PTPRD: variants seen among roughly 807,000 people sequenced by gnomAD.
The protein encoded by PTPRD is protein tyrosine phosphatase receptor type D.
A neutral mutation model predicts 214.5 loss-of-function variants in PTPRD; 34 were observed. That is an observed-to-expected ratio of 0.16 (90% CI 0.12 to 0.21). PTPRD has a LOEUF of 0.21. Ranked by LOEUF, PTPRD falls within the 10% of genes least tolerant of loss-of-function variation. The pLI is 1.00. For missense variants in PTPRD, 2,545 were observed against 2,398.7 expected (o/e 1.06, Z -1.27); for synonymous variants, 1,128 against 845.7 (o/e 1.33, Z -5.79).
intron 2 of PTPRD, chr9:10,532,119 C>T (rs941514442): frequency 6.6e-6 from 1 of 152,064 alleles, no homozygotes; most frequent in Non-Finnish European, 1.5e-5. Flanking sequence ...GTTGCAGAAG[C>T]TTATATATAA....
intron 9 of PTPRD, among the ~76,000 whole-genome samples, chr9:9,304,334 C>A (rs1033601381): frequency 1.3e-5 from 2 of 152,110 alleles, no homozygotes; most frequent in African/African-American, 4.8e-5. Context: ...GATAATCTTT[C>A]AAAGAACATG....
At chr9:8,721,892 C>A (rs1412688269) in intron 12 of PTPRD, among the ~76,000 whole-genome samples, 2 of 152,218 alleles carry the variant, frequency 1.3e-5, no homozygotes, top group African/African-American at 4.8e-5. Flanking sequence ...TTATCTATCT[C>A]TCCTAACCTC....
At chr9:10,260,693 AT>A (rs1033201471) in intron 3 of PTPRD, among the ~76,000 whole-genome samples, 1 of 152,070 alleles carries the variant, frequency 6.6e-6, no homozygotes, top group Non-Finnish European at 1.5e-5. Flanking sequence ...AATATTCTAC[AT>A]TCCTCAAGTT....
At chr9:9,274,444 A>C (rs1310732803) in intron 9 of PTPRD, among the ~76,000 whole-genome samples, 1 of 151,358 alleles carries the variant, frequency 6.6e-6, no homozygotes, top group Non-Finnish European at 1.5e-5. Flanking sequence ...GGAACAGATT[A>C]TGCTACAACC....
chr9:9,320,566 G>A lies in PTPRD; in HGVS notation c.-203+76883C>T, dbSNP rs116121870. 6.5e-3 allele frequency among the ~76,000 whole-genome samples: 993 copies of A among 152,124 alleles called. 12 individuals are homozygous for A. Among genetic ancestry groups the A allele is most frequent in the African/African-American group, 0.023 (938 of 41,512 alleles). ...GTAGTACACACCAGTCCTTTACACC[G>A]ACTCTCTGAGGAAAACTACCCTTCC... On this transcript the variant is annotated intron_variant, in intron 9 of 45. Coordinates refer to ENST00000381196, the MANE Select transcript of PTPRD (RefSeq NM_002839.4).
chr9:8,800,973 C>G (rs1455296624), intron 11 of PTPRD, among the ~76,000 whole-genome samples: 1 of 152,180 alleles, frequency 6.6e-6, no homozygotes, highest in African/African-American at 2.4e-5. Flanking sequence ...AACATCAATG[C>G]TATGGGGCTA....
intron 12 of PTPRD, among the ~76,000 whole-genome samples, chr9:8,655,219 T>C (rs954081817): frequency 3.3e-5 from 5 of 152,198 alleles, no homozygotes; most frequent in African/African-American, 1.2e-4. Flanking sequence ...TGTAAGCAGG[T>C]TTCACATGTG....
chr9:8,511,016 A>T (rs1029847604), intron 21 of PTPRD, among the ~76,000 whole-genome samples: 2 of 152,052 alleles, frequency 1.3e-5, no homozygotes, highest in Non-Finnish European at 2.9e-5. Context: ...CTCTCTATAT[A>T]TGTATTTATA....
intron 8 of PTPRD, among the ~76,000 whole-genome samples, chr9:9,509,280 G>A (rs981329120): frequency 4.6e-5 from 7 of 151,326 alleles, no homozygotes; most frequent in African/African-American, 1.7e-4. Context: ...TTTTGGTAAC[G>A]GAAACTGATG....
At chr9:9,596,116 G>C (rs1038764531) in intron 7 of PTPRD, among the ~76,000 whole-genome samples, 5 of 151,720 alleles carry the variant, frequency 3.3e-5, no homozygotes, top group Non-Finnish European at 7.4e-5. Flanking sequence ...TGTGTGCAAA[G>C]GAATACCCAT....
At chr9:10,458,417 T>G (rs141352292) in intron 2 of PTPRD, among the ~76,000 whole-genome samples, 19 of 152,326 alleles carry the variant, frequency 1.2e-4, no homozygotes, top group African/African-American at 4.1e-4. Flanking sequence ...GGATACATCA[T>G]GTTAACAGAC....
intron 5 of PTPRD, among the ~76,000 whole-genome samples, chr9:9,775,824 C>T (rs1473937501): frequency 3.3e-5 from 5 of 151,794 alleles, no homozygotes; most frequent in East Asian, 3.9e-4. Context: ...GGCATGGTGG[C>T]GGACGCCTGC....
chr9:10,253,932 A>C (rs1417931770), intron 3 of PTPRD, among the ~76,000 whole-genome samples: 1 of 152,208 alleles, frequency 6.6e-6, no homozygotes, highest in African/African-American at 2.4e-5. Context: ...GCTTTTTTAA[A>C]AAGAAAAATA....
At chr9:10,225,500 T>C (rs7846730) in intron 3 of PTPRD, among the ~76,000 whole-genome samples, 60,177 of 151,898 alleles carry the variant, frequency 0.4, 13,458 homozygotes, top group Admixed American at 0.49. Context: ...GATGAAAAGT[T>C]GGCACTGCTT....
At chr9:9,971,434 T>C (rs1465207330) in intron 4 of PTPRD, among the ~76,000 whole-genome samples, 3 of 152,172 alleles carry the variant, frequency 2.0e-5, no homozygotes, top group African/African-American at 7.2e-5. Flanking sequence ...TAATTTTATA[T>C]TAAAATTAGC....
chr9:10,470,539 T>C (rs1012503539), intron 2 of PTPRD, among the ~76,000 whole-genome samples: 22 of 152,152 alleles, frequency 1.4e-4, no homozygotes, highest in African/African-American at 5.3e-4. Context: ...TCACCCTAAC[T>C]TCCTGATAGC....
intron 2 of PTPRD, among the ~76,000 whole-genome samples, chr9:10,503,215 A>AAAAAAAAC (rs2044491240): frequency 6.7e-6 from 1 of 148,682 alleles, no homozygotes; most frequent in Non-Finnish European, 1.5e-5. Context: ...AAACAAAAAA[A>AAAAAAAAC]AACACCATTT....
Position 9,350,459 on chromosome 9 carries a change from TG to T in PTPRD, c.-203+46989del, listed in dbSNP as rs753761193. Among the ~76,000 whole-genome samples the T allele has an allele frequency of 4.7e-4, 71 of 152,074 alleles. 1 individual carries two copies. The highest frequency in any genetic ancestry group is 8.2e-4 in the Non-Finnish European group (56 of 68,004). On this transcript the variant is annotated intron_variant, in intron 9 of 45. Transcript: ENST00000381196. ...CCTCTGTAAGAGTCTCTAAATCCTT[TG>T]TGTAATTAGCTGGGATTCAAGCAAA...
intron 4 of PTPRD, among the ~76,000 whole-genome samples, chr9:10,023,301 T>C (rs1202372307): frequency 2.0e-5 from 3 of 152,152 alleles, no homozygotes; most frequent in African/African-American, 7.2e-5. Context: ...AATGGAGAAT[T>C]CAGGGCTTCC....
Sources: gnomAD v4.1 joint callset for allele counts (sites outside exome capture counted in the v4.1 genomes callset) on GRCh38, gnomAD v4.1.1 for gene constraint, MANE v1.5 for transcripts, NCBI Gene and HGNC (gene_info 2026-07-23, HGNC 2026-07-21) for gene names.